The following ARHGAP10 variants were observed in gnomAD, a reference collection of about 807,000 sequenced individuals.
ARHGAP10 encodes Rho GTPase activating protein 10.
A neutral mutation model predicts 108.6 loss-of-function variants in ARHGAP10; 87 were observed. The ratio of observed to expected loss-of-function variants is 0.80; its 90% CI spans 0.67 to 0.96. The LOEUF (loss-of-function observed/expected upper bound fraction) is 0.96. ARHGAP10 is among the 40% of genes least tolerant of loss of function. The pLI is 0.00. For synonymous variants in ARHGAP10, 347 were observed against 341.1 expected (o/e 1.02, Z -0.19); for missense variants, 939 against 954.5 (o/e 0.98, Z 0.21).
At chr4:148,048,158 A>G (rs1728970854) in intron 20 of ARHGAP10, among the ~76,000 whole-genome samples, 1 of 152,230 alleles carries the variant, frequency 6.6e-6, no homozygotes. Flanking sequence ...TGTTGAAGCC[A>G]AAGTTGCTTA....
chr4:148,003,483 C>T (rs1054399830), intron 18 of ARHGAP10, among the ~76,000 whole-genome samples: 19 of 152,106 alleles, frequency 1.2e-4, no homozygotes, highest in Non-Finnish European at 1.8e-4. Flanking sequence ...CTTTCTGTCT[C>T]GTTGATCTGT....
intron 18 of ARHGAP10, among the ~76,000 whole-genome samples, chr4:147,978,374 T>C (rs1189147005): frequency 6.6e-6 from 1 of 152,008 alleles, no homozygotes; most frequent in Non-Finnish European, 1.5e-5. Context: ...TTCTGACTGG[T>C]GTGAGATGGT....
At chr4:147,920,470 C>T (rs1055620462) in intron 13 of ARHGAP10, among the ~76,000 whole-genome samples, 9 of 151,978 alleles carry the variant, frequency 5.9e-5, no homozygotes, top group Non-Finnish European at 1.2e-4. Flanking sequence ...TCATCAAAGT[C>T]CCAAAGAAAA....
intron 1 of ARHGAP10, among the ~76,000 whole-genome samples, chr4:147,778,393 G>A (rs537010092): frequency 3.3e-5 from 5 of 152,148 alleles, no homozygotes; most frequent in South Asian, 2.1e-4. Context: ...ATAACTTACC[G>A]AGATCTGCCA....
intron 18 of ARHGAP10, among the ~76,000 whole-genome samples, chr4:147,981,490 C>T (rs1010985484): frequency 6.6e-6 from 1 of 152,152 alleles, no homozygotes; most frequent in African/African-American, 2.4e-5. Context: ...TGTGTTCAGT[C>T]TTTGAGAATG....
intron 10 of ARHGAP10, among the ~76,000 whole-genome samples, chr4:147,903,265 A>G (rs905358402): frequency 3.3e-5 from 5 of 152,166 alleles, no homozygotes; most frequent in Admixed American, 6.5e-5. Context: ...TTCTCAGCTT[A>G]GGGGACAACT....
intron 20 of ARHGAP10, among the ~76,000 whole-genome samples, chr4:148,056,891 G>C (rs952030197): frequency 6.6e-6 from 1 of 152,158 alleles, no homozygotes; most frequent in Non-Finnish European, 1.5e-5. Context: ...ATATGTAATA[G>C]TAGTGAGGGC....
At chr4:147,835,784 T>C (rs769768855) in intron 3 of ARHGAP10, among the ~76,000 whole-genome samples, 5 of 152,262 alleles carry the variant, frequency 3.3e-5, no homozygotes, top group Non-Finnish European at 7.3e-5. Context: ...TTTTCTCTTA[T>C]GTAAAACAAA....
In ARHGAP10 at chr4:147,991,551, C is replaced by A. The variant is rs113725394; in HGVS notation, c.1716+24712C>A. ...GTTTTTGTTGGGAGATAGTCACATG[C>A]GCATCCTTTACCTAGTGTGTACCAA... On this transcript the variant is annotated intron_variant, in intron 18 of 22. Transcript: ENST00000336498. Among the ~76,000 whole-genome samples the A allele has an allele frequency of 7.8e-3, 1,187 of 152,288 alleles. 18 individuals are homozygous for A. Among genetic ancestry groups the A allele is most frequent in the African/African-American group, 0.027 (1,117 of 41,556 alleles).
At chr4:147,791,569 TTTTGTTTG>T (rs201404112) in intron 1 of ARHGAP10, among the ~76,000 whole-genome samples, 8 of 151,336 alleles carry the variant, frequency 5.3e-5, no homozygotes, top group Admixed American at 2.0e-4. Flanking sequence ...TATATATATA[TTTTGTTTG>T]TTTGTTTGTT....
chr4:147,972,048 G>A (rs1268709584), intron 18 of ARHGAP10, among the ~76,000 whole-genome samples: 3 of 152,086 alleles, frequency 2.0e-5, no homozygotes, highest in African/African-American at 7.2e-5. Context: ...GGAACAAAGG[G>A]GTTTGGGGGA....
Position 147,732,277 on chromosome 4 carries a change from G to T in ARHGAP10, c.-25G>T. 1 of 1,571,400 alleles carries T rather than the reference G, an allele frequency of 6.4e-7. No individual in the cohort carries two copies. The highest frequency in any genetic ancestry group is 8.6e-7 in the Non-Finnish European group (1 of 1,163,648). On this transcript the variant is annotated 5_prime_UTR_variant, in exon 1 of 23. Coordinates refer to ENST00000336498, the MANE Select transcript of ARHGAP10 (RefSeq NM_024605.4). ...CTCGGGCAGGAGCGCGCGGCCGTGC[G>T]CACCGCGCAGCGACCGCTGCCGTCA... is the stretch of plus-strand genomic sequence containing the variant.
intron 22 of ARHGAP10, among the ~76,000 whole-genome samples, chr4:148,068,944 C>T (rs576428737): frequency 2.0e-5 from 3 of 152,202 alleles, no homozygotes; most frequent in East Asian, 1.9e-4. Context: ...GTGAGGACAC[C>T]GTGGCTGAAG....
intron 18 of ARHGAP10, among the ~76,000 whole-genome samples, chr4:148,022,832 A>G (rs978668134): frequency 1.3e-5 from 2 of 152,228 alleles, no homozygotes; most frequent in African/African-American, 4.8e-5. Context: ...ATTTGCAGTC[A>G]TATGTTTCTG....
intron 18 of ARHGAP10, among the ~76,000 whole-genome samples, chr4:147,997,195 T>C (rs1430094528): frequency 1.3e-5 from 2 of 152,204 alleles, no homozygotes; most frequent in African/African-American, 2.4e-5. Context: ...ATTTGTGTAA[T>C]TGAAATTAAC....
chr4:147,763,746 C>CTTT (rs35774782), intron 1 of ARHGAP10, among the ~76,000 whole-genome samples: 55 of 93,138 alleles, frequency 5.9e-4, no homozygotes, highest in South Asian at 1.7e-3. Flanking sequence ...ATGGTGATTC[C>CTTT]TTTTTTTTTT....
chr4:147,850,488 G>A (rs527369320), intron 4 of ARHGAP10, among the ~76,000 whole-genome samples: 63 of 152,252 alleles, frequency 4.1e-4, no homozygotes, highest in African/African-American at 1.4e-3. Flanking sequence ...TGAACCCAGC[G>A]GGAGGAACAG....
chr4:147,887,679 T>C (rs1735626762), intron 10 of ARHGAP10, among the ~76,000 whole-genome samples: 1 of 151,846 alleles, frequency 6.6e-6, no homozygotes, highest in Non-Finnish European at 1.5e-5. Context: ...CTGACCGATA[T>C]GGTTAAACCC....
At chr4:147,748,642 C>T (rs1729024995) in intron 1 of ARHGAP10, among the ~76,000 whole-genome samples, 1 of 152,142 alleles carries the variant, frequency 6.6e-6, no homozygotes, top group African/African-American at 2.4e-5. Context: ...TGCTTATCTG[C>T]AAACACATCA....
Sources: gnomAD v4.1 joint callset for allele counts (sites outside exome capture counted in the v4.1 genomes callset) on GRCh38, gnomAD v4.1.1 for gene constraint, MANE v1.5 for transcripts, NCBI Gene and HGNC (gene_info 2026-07-23, HGNC 2026-07-21) for gene names.